The following WDR47 variants were observed in gnomAD, a reference collection of about 807,000 sequenced individuals.
The protein encoded by WDR47 is WD repeat domain 47.
Under a neutral mutation model 97.2 loss-of-function variants are expected in WDR47, and 32 were observed. The observed-to-expected ratio is 0.33, with a 90% CI of 0.25 to 0.44. WDR47 has a LOEUF of 0.44. Among genes scored for constraint, WDR47 ranks in the 20% least tolerant of loss-of-function variants. WDR47 has a pLI of 1.00. For synonymous variants in WDR47, 375 were observed against 373.5 expected (o/e 1.00, Z -0.05); for missense variants, 782 against 1,102.3 (o/e 0.71, Z 4.11).
chr1:108,999,470 G>A (rs867853500), intron 7 of WDR47, among the ~76,000 whole-genome samples: 11 of 152,060 alleles, frequency 7.2e-5, no homozygotes, highest in African/African-American at 9.6e-5. Context: ...TTAGGAGGTC[G>A]AGGCAGGAGG....
intron 9 of WDR47, chr1:108,987,003 C>T (rs868112094): frequency 1.4e-5 from 3 of 219,240 alleles, no homozygotes; most frequent in Middle Eastern, 3.3e-3. Context: ...TAATATTAAA[C>T]CCCTACAGCT....
chr1:108,989,972 G>A (rs1036469556), intron 9 of WDR47, among the ~76,000 whole-genome samples: 2 of 152,060 alleles, frequency 1.3e-5, no homozygotes, highest in African/African-American at 4.8e-5. Context: ...TGGGATTACA[G>A]GAGTGAGCCA....
chr1:108,992,448 A>T, intron 8 of WDR47: 1 of 1,591,798 alleles, frequency 6.3e-7, no homozygotes, highest in Non-Finnish European at 8.6e-7. Flanking sequence ...TTACAGAAAC[A>T]GTGTGTACCA....
chr1:109,022,742 G>A (rs1217465096), intron 2 of WDR47, among the ~76,000 whole-genome samples: 3 of 151,898 alleles, frequency 2.0e-5, no homozygotes, highest in Non-Finnish European at 4.4e-5. Context: ...GTGCCACCAT[G>A]CCCGGTTAAT....
intron 7 of WDR47, among the ~76,000 whole-genome samples, chr1:109,000,344 A>G (rs2101896463): frequency 6.6e-6 from 1 of 151,774 alleles, no homozygotes; most frequent in East Asian, 2.0e-4. Flanking sequence ...TCCCGCCTCC[A>G]CTAAAAATAC....
rs1657457107 is a variant in WDR47 at position 108,971,592 on chromosome 1, T to C, written c.2618-20A>G. The C allele has an allele frequency of 6.2e-7, 1 of 1,613,862 alleles. No homozygotes were observed. Among genetic ancestry groups the C allele is most frequent in the South Asian group, 1.1e-5 (1 of 91,072 alleles). The stretch of plus-strand genomic sequence containing the variant: ...GGTCCCCTAAATTACAAAAGAGATG[T>C]TGATTTACAATGCAAAATAAGTATA... On this transcript the variant is annotated intron_variant, in intron 14 of 14. Coordinates refer to ENST00000369962, the MANE Select transcript of WDR47 (RefSeq NM_001142551.2).
intron 2 of WDR47, 70 bp from the exon 3 acceptor site, chr1:109,017,671 T>C: frequency 8.7e-7 from 1 of 1,153,796 alleles, no homozygotes; most frequent in Non-Finnish European, 1.3e-6. Context: ...GCAGAACAGA[T>C]GACAAAACAG....
chr1:108,971,574 T>C lies in WDR47; in HGVS notation c.2618-2A>G. 1 of 1,614,090 alleles carries C rather than the reference T, an allele frequency of 6.2e-7. No individual in the cohort carries two copies. Among genetic ancestry groups the C allele is most frequent in the Non-Finnish European group, 8.5e-7 (1 of 1,179,980 alleles). On this transcript the variant is annotated splice_acceptor_variant, in intron 14 of 14. Coordinates refer to ENST00000369962, the MANE Select transcript of WDR47 (RefSeq NM_001142551.2). LOFTEE classifies it high-confidence loss of function. ...TAGGAAGCTGCTTGGTGAGGTCCCC[T>C]AAATTACAAAAGAGATGTTGATTTA...
At chr1:109,001,604 A>G (rs1371985011) in intron 7 of WDR47, among the ~76,000 whole-genome samples, 2 of 152,142 alleles carry the variant, frequency 1.3e-5, no homozygotes, top group Non-Finnish European at 2.9e-5. Flanking sequence ...TAAGAAGTAG[A>G]TAAGGGCCAG....
chr1:108,991,172 T>C (rs1659319621), intron 9 of WDR47, 82 bp downstream of exon 9: 11 of 1,366,026 alleles, frequency 8.1e-6, no homozygotes, highest in Non-Finnish European at 1.0e-5. Flanking sequence ...ACTAAAATGG[T>C]TCTTTCTTTG....
chr1:109,026,899 A>G (rs748942805), intron 1 of WDR47, among the ~76,000 whole-genome samples: 3 of 152,122 alleles, frequency 2.0e-5, no homozygotes, highest in Non-Finnish European at 4.4e-5. Context: ...TTACAAATAC[A>G]TATTTTATAC....
At chr1:108,988,102 G>A (rs926680028) in intron 9 of WDR47, among the ~76,000 whole-genome samples, 4 of 150,626 alleles carry the variant, frequency 2.7e-5, no homozygotes, top group Admixed American at 6.6e-5. Context: ...AATTTTAGAC[G>A]GCTGTGGTGG....
At chr1:108,989,421 G>A (rs1346162745) in intron 9 of WDR47, among the ~76,000 whole-genome samples, 1 of 152,192 alleles carries the variant, frequency 6.6e-6, no homozygotes. Flanking sequence ...GAGTAGGGGG[G>A]CAAACCTGAT....
chr1:108,971,622 T>A (rs1427074031), intron 14 of WDR47, 50 bp from the exon 15 acceptor site: 1 of 1,595,976 alleles, frequency 6.3e-7, no homozygotes, highest in Admixed American at 1.7e-5. Context: ...AGTATATGTA[T>A]AGATTGTATA....
At chr1:109,001,802 G>C (rs1660213641) in intron 7 of WDR47, among the ~76,000 whole-genome samples, 2 of 152,062 alleles carry the variant, frequency 1.3e-5, no homozygotes, top group Non-Finnish European at 2.9e-5. Context: ...GAGGCAGGAG[G>C]ATCACTTGAG....
chr1:108,975,366 G>A (rs1322983780), intron 13 of WDR47, among the ~76,000 whole-genome samples: 2 of 151,840 alleles, frequency 1.3e-5, no homozygotes, highest in Non-Finnish European at 2.9e-5. Context: ...GCTCATGCCT[G>A]TAATCCAGCA....
At chr1:108,994,839 A>C (rs1390598785) in intron 8 of WDR47, among the ~76,000 whole-genome samples, 2 of 152,230 alleles carry the variant, frequency 1.3e-5, no homozygotes, top group East Asian at 3.8e-4. Flanking sequence ...ATAAAAATTC[A>C]GAAAAGAATC....
At chr1:109,039,375 A>T (rs1340244596) in intron 1 of WDR47, among the ~76,000 whole-genome samples, 1 of 151,848 alleles carries the variant, frequency 6.6e-6, no homozygotes, top group Non-Finnish European at 1.5e-5. Context: ...CTCCTACCTC[A>T]GCCTCCCAAA....
At position 108,995,681 on chromosome 1, in the gene WDR47, T is replaced by C. The variant is rs1455163272; in HGVS notation, c.1590A>G (p.Arg530=). Residue 530 remains arginine (R), a synonymous_variant, in exon 8 of 15, where the codon AGA becomes AGG. Transcript: ENST00000369962. ...FTTPPQDSSQ[R]LTHDASNIHT... ...GAATATTTGAAGCATCATGTGTTAA[T>C]CTCTGACTAGAGTCTTGGGGTGGTG... is the stretch of plus-strand genomic sequence containing the variant. 3 of 1,614,144 alleles carry C rather than the reference T, an allele frequency of 1.9e-6. No individual in the cohort carries two copies. In the Middle Eastern group the frequency reaches 5.0e-4, roughly 266 times the overall value.
Sources: gnomAD v4.1 joint callset for allele counts (sites outside exome capture counted in the v4.1 genomes callset) on GRCh38, gnomAD v4.1.1 for gene constraint, MANE v1.5 for transcripts, NCBI Gene and HGNC (gene_info 2026-07-23, HGNC 2026-07-21) for gene names.